DZIP1L: variants seen among roughly 807,000 people sequenced by gnomAD.
DZIP1L encodes DAZ interacting zinc finger protein 1 like.
DZIP1L carries 90 observed loss-of-function variants against 88.7 expected under a neutral mutation model. That is an observed-to-expected ratio of 1.02 (90% CI 0.86 to 1.21). DZIP1L has a LOEUF of 1.21. DZIP1L is among the 50% of genes most tolerant of loss of function. The pLI is 0.00. For synonymous variants in DZIP1L, 363 were observed against 372.1 expected, an observed-to-expected ratio of 0.98 and a Z score of 0.28; for missense variants, 932 against 955.8, an observed-to-expected ratio of 0.98 and a Z score of 0.33.
intron 12 of DZIP1L, chr3:138,069,073 A>G: frequency 9.2e-7 from 1 of 1,086,622 alleles, no homozygotes; most frequent in Non-Finnish European, 1.3e-6. Flanking sequence ...GGGGTTGAAC[A>G]GCCATGGGTC....
In DZIP1L at chr3:138,064,702, C is replaced by G. The variant is rs771180627; in HGVS notation, c.2068G>C (p.Ala690Pro). 6.2e-7 allele frequency: 1 copy of G among 1,612,352 alleles called. No individual in the cohort carries two copies. The highest frequency in any genetic ancestry group is 1.7e-5 in the Admixed American group (1 of 59,590). The change falls in exon 15 of 16, where the codon GCT becomes CCT. Residue 690 changes from alanine (A) to proline (P), a missense_variant. Physicochemically the swap from Ala to Pro is conservative, Grantham distance 27. Transcript: ENST00000327532. ...KQLEAPAKKP[A>P]GGVSLFFMPN... is the part of the protein sequence containing the mutation. Reference sequence around the variant, plus strand: ...ATAAAAAACAGACTGACCCCTCCAGCAGGCTTCTTTGCTGGAGCTTCTAGC... The same window carrying G: ...ATAAAAAACAGACTGACCCCTCCAGGAGGCTTCTTTGCTGGAGCTTCTAGC...
intron 1 of DZIP1L, among the ~76,000 whole-genome samples, chr3:138,106,786 C>T (rs531329367): frequency 1.1e-4 from 16 of 151,780 alleles, no homozygotes; most frequent in African/African-American, 3.6e-4. Flanking sequence ...GAGCCGAGAT[C>T]GCGCCACGGC....
At chr3:138,101,415 C>T in intron 2 of DZIP1L, 1 of 708,960 alleles carries the variant, frequency 1.4e-6, no homozygotes, top group Admixed American at 2.0e-5. Flanking sequence ...GCACAGCAGC[C>T]TCCCCCGCTG....
rs781023042 is a variant in DZIP1L at position 138,067,615 on chromosome 3, T to C, written c.1918A>G (p.Met640Val). Residue 640 changes from methionine to valine, a missense_variant, in exon 14 of 16, where the codon ATG becomes GTG. By Grantham distance (21) the Met-to-Val change is conservative. Transcript: ENST00000327532. ...SLQPPKVPSR[M>V]VPRPKDDWDW... ...CAGTCATCCTTGGGCCGGGGCACCA[T>C]CCTGGAAGGAACTTTTGGGGGCTGT... 3.1e-6 allele frequency: 5 copies of C among 1,611,936 alleles called. No homozygotes were observed. The African/African-American group carries it at 4.0e-5, about 13-fold the overall frequency.
intron 14 of DZIP1L, among the ~76,000 whole-genome samples, chr3:138,066,837 C>A (rs928188975): frequency 7.2e-5 from 11 of 151,946 alleles, no homozygotes; most frequent in Non-Finnish European, 1.6e-4. Flanking sequence ...AGAAGCCAAG[C>A]AGAGGGGTGG....
At chr3:138,088,546 C>T (rs1469648071) in intron 5 of DZIP1L, 39 bp from the exon 6 acceptor site, 4 of 1,603,778 alleles carry the variant, frequency 2.5e-6, no homozygotes, top group Admixed American at 1.7e-5. Context: ...AGATGAAGAT[C>T]TCATCATGAT....
At chr3:138,104,180 T>A in intron 1 of DZIP1L, 128 bp from the exon 2 acceptor site, 1 of 847,578 alleles carries the variant, frequency 1.2e-6, no homozygotes, top group Non-Finnish European at 1.8e-6. Flanking sequence ...ATTCATGGTG[T>A]GTGCTGACAT....
In DZIP1L at chr3:138,088,268, T is replaced by C. The variant is rs16847839; in HGVS notation, c.999+111A>G. 5.3e-3 allele frequency: 7,423 copies of C among 1,393,696 alleles called. 345 individuals are homozygous for C. In the African/African-American group the frequency reaches 0.094, roughly 18 times the overall value. 86.3% of individuals were successfully genotyped at this position (1,393,696 alleles called of 1,614,324 possible). ...TGTACTGGCAGAAGGTCTGAAAATA[T>C]AGAACTTTGATGTCCTTCAACTTCT... On this transcript the variant is annotated intron_variant, in intron 6 of 15. Coordinates refer to ENST00000327532, the MANE Select transcript of DZIP1L (RefSeq NM_173543.3).
At position 138,071,769 on chromosome 3, in the gene DZIP1L, G is replaced by C. The variant is rs375872409; in HGVS notation, c.1489C>G (p.Gln497Glu). ...AATTCAGAAAACTTCCGGGCCTTCT[G>C]CTCCCGCTGGACTCTCAGCAGGGAT... is the stretch of plus-strand genomic sequence containing the variant. ...LESLLRVQRE[Q>E]KARKFSEFLS... is the part of the protein sequence containing the mutation. Residue 497 changes from glutamine to glutamate, a missense_variant, in exon 12 of 16, where the codon CAG becomes GAG. Physicochemically the swap from Gln to Glu is conservative, Grantham distance 29 (BLOSUM62 2). Coordinates refer to ENST00000327532, the MANE Select transcript of DZIP1L (RefSeq NM_173543.3). The C allele has an allele frequency of 2.5e-6, 4 of 1,614,152 alleles. No homozygotes were observed. The highest frequency in any genetic ancestry group is 3.4e-6 in the Non-Finnish European group (4 of 1,180,032).
At position 138,068,219 on chromosome 3, in the gene DZIP1L, G is replaced by T; in HGVS notation, c.1764C>A (p.Ser588=). The T allele has an allele frequency of 6.3e-7, 1 of 1,592,710 alleles. No individual in the cohort carries two copies. Among genetic ancestry groups the T allele is most frequent in the Non-Finnish European group, 8.6e-7 (1 of 1,168,606 alleles). ...GSHGSSLTQV[S]APAPRPGLHG... ...GCAGTCCGGGGCGTGGAGCGGGGGC[G>T]GACACCTGGGTCAGGCTGGAGCCAT... Residue 588 remains serine, a synonymous_variant, in exon 13 of 16, where the codon TCC becomes TCA. Transcript: ENST00000327532.
At chr3:138,101,649 C>T (rs2042315629) in intron 2 of DZIP1L, 2 of 793,594 alleles carry the variant, frequency 2.5e-6, no homozygotes, top group East Asian at 2.4e-5. Flanking sequence ...TTGTGAGGCC[C>T]CCATAGGCCG....
intron 1 of DZIP1L, among the ~76,000 whole-genome samples, chr3:138,114,894 C>A (rs773638976): frequency 2.5e-4 from 38 of 152,210 alleles, no homozygotes; most frequent in Non-Finnish European, 5.3e-4. Flanking sequence ...GATGCCAATG[C>A]GATTGCTTTT....
At chr3:138,108,301 G>T in intron 1 of DZIP1L, 2 of 883,238 alleles carry the variant, frequency 2.3e-6, no homozygotes, top group Non-Finnish European at 2.7e-6. Context: ...TGTGGGCAAG[G>T]GTAATAAGAC....
chr3:138,067,416 T>A, intron 14 of DZIP1L, 115 bp downstream of exon 14: 1 of 1,222,450 alleles, frequency 8.2e-7, no homozygotes, highest in South Asian at 1.8e-5. Flanking sequence ...GAAAGAGATG[T>A]CAAATAAGAA....
At chr3:138,106,121 T>A (rs1482900591) in intron 1 of DZIP1L, among the ~76,000 whole-genome samples, 1 of 142,762 alleles carries the variant, frequency 7.0e-6, no homozygotes, top group African/African-American at 2.7e-5. Context: ...TGATTCAGTC[T>A]TCTTTCTTTT....
intron 3 of DZIP1L, 88 bp from the exon 4 acceptor site, chr3:138,095,071 C>T (rs925316445): frequency 6.3e-7 from 1 of 1,583,002 alleles, no homozygotes; most frequent in African/African-American, 1.4e-5. Context: ...AGCCATACCT[C>T]GGTCTCAAAC....
chr3:138,076,229 C>T (rs1291830993), intron 11 of DZIP1L, among the ~76,000 whole-genome samples: 1 of 152,082 alleles, frequency 6.6e-6, no homozygotes, highest in Non-Finnish European at 1.5e-5. Flanking sequence ...CTCACCCCTA[C>T]AAGAATGGCC....
intron 9 of DZIP1L, 48 bp downstream of exon 9, chr3:138,081,686 A>G: frequency 6.3e-7 from 1 of 1,578,186 alleles, no homozygotes; most frequent in Non-Finnish European, 8.6e-7. Context: ...GAGAAAAGCC[A>G]GAGACAATAG....
intron 1 of DZIP1L, among the ~76,000 whole-genome samples, chr3:138,105,146 T>C (rs900063798): frequency 2.0e-5 from 3 of 152,156 alleles, no homozygotes; most frequent in Non-Finnish European, 4.4e-5. Context: ...TAGGCATATA[T>C]ACCTCTATTT....
Sources: gnomAD v4.1 joint callset for allele counts (sites outside exome capture counted in the v4.1 genomes callset) on GRCh38, gnomAD v4.1.1 for gene constraint, MANE v1.5 for transcripts, NCBI Gene and HGNC (gene_info 2026-07-23, HGNC 2026-07-21) for gene names.